ATP5PB: variants seen among roughly 807,000 people sequenced by gnomAD.
ATP5PB encodes ATP synthase peripheral stalk subunit b, mitochondrial.
In ATP5PB, 21 loss-of-function variants were observed where a neutral mutation model predicts 34.5. The observed-to-expected ratio is 0.61, with a 90% confidence interval of 0.43 to 0.88. ATP5PB has a LOEUF of 0.88. Ranked by LOEUF, ATP5PB falls within the 40% of genes least tolerant of loss-of-function variation. The pLI is 0.00. For synonymous variants in ATP5PB, 108 were observed against 114.1 expected, an observed-to-expected ratio of 0.95 and a Z score of 0.34; for missense variants, 293 against 317.4, an observed-to-expected ratio of 0.92 and a Z score of 0.58.
At chr1:111,452,319 G>A (rs1248134537) in intron 2 of ATP5PB, among the ~76,000 whole-genome samples, 2 of 152,100 alleles carry the variant, frequency 1.3e-5, no homozygotes, top group Non-Finnish European at 2.9e-5. Context: ...TGTAATTTCA[G>A]CACTTTGGGA....
In ATP5PB at chr1:111,461,190, G is replaced by C. The variant is rs573759476; in HGVS notation, c.*196G>C. ...AGATGTTTCTCATCCTTCTTGCTCT[G>C]CCTTTGAGTTGTTCCGTGATCACTT... On this transcript the variant is annotated 3_prime_UTR_variant, in exon 7 of 7. Transcript: ENST00000369722. 47 of 511,320 alleles carry C rather than the reference G, an allele frequency of 9.2e-5. No individual in the cohort carries two copies. The South Asian group carries it at 1.1e-3, about 12-fold the overall frequency. 31.7% of individuals were successfully genotyped at this position (511,320 alleles called of 1,614,324 possible). A position where few individuals can be genotyped will look rare whatever the true frequency, so the allele number is the denominator to read the frequency against.
rs1204997787 is a variant in ATP5PB at position 111,454,235 on chromosome 1, T to G, written c.102T>G (p.Phe34Leu). The change falls in exon 3 of 7, where the codon TTT becomes TTG. Residue 34 changes from phenylalanine to leucine, a missense_variant. Physicochemically the swap from Phe to Leu is conservative, Grantham distance 22. Coordinates refer to ENST00000369722, the MANE Select transcript of ATP5PB (RefSeq NM_001688.5). The stretch of plus-strand genomic sequence containing the variant: ...GGGTATTGCAGGCAACAAGGACCTT[T>G]CATACAGGGCAGCCACACCTTGTCC... The part of the protein sequence containing the change: ...GPGVLQATRT[F>L]HTGQPHLVPV... 1.2e-6 allele frequency: 2 copies of G among 1,603,578 alleles called. No individual in the cohort carries two copies. The highest frequency in any genetic ancestry group is 1.7e-6 in the Non-Finnish European group (2 of 1,176,802).
chr1:111,454,537 A>C (rs1369611825), intron 3 of ATP5PB, among the ~76,000 whole-genome samples, 181 bp downstream of exon 3: 1 of 151,438 alleles, frequency 6.6e-6, no homozygotes, highest in East Asian at 1.9e-4. Context: ...TGCAGCCTCC[A>C]CCTCCCCAGG....
chr1:111,456,051 A>G, intron 3 of ATP5PB, 35 bp from the exon 4 acceptor site: 1 of 1,516,416 alleles, frequency 6.6e-7, no homozygotes, highest in Non-Finnish European at 8.9e-7. Context: ...TAGGCATAGC[A>G]TATCCCTTCA....
chr1:111,456,690 A>T lies in ATP5PB; in HGVS notation c.448A>T (p.Ile150Phe), dbSNP rs150276317. The change falls in exon 5 of 7, where the codon ATT becomes TTT. Residue 150 changes from isoleucine (I) to phenylalanine (F), a missense_variant. Coordinates refer to ENST00000369722, the MANE Select transcript of ATP5PB (RefSeq NM_001688.5). ...QASIQHIQNA[I>F]DTEKSQQALV... ...TTCCATCCAACACATCCAGAATGCAATTGATACGGAGAAGTCACAACAGGC... is the reference window on the plus strand; with the variant it reads ...TTCCATCCAACACATCCAGAATGCATTTGATACGGAGAAGTCACAACAGGC... The T allele has an allele frequency of 2.5e-5, 40 of 1,613,652 alleles. No homozygotes were observed. The highest frequency in any genetic ancestry group is 3.3e-5 in the Non-Finnish European group (39 of 1,179,864).
chr1:111,455,525 A>G (rs1653446838), intron 3 of ATP5PB, among the ~76,000 whole-genome samples: 1 of 152,234 alleles, frequency 6.6e-6, no homozygotes, highest in South Asian at 2.1e-4. Flanking sequence ...CTTTCAGAAC[A>G]CATGGCCTGG....
intron 2 of ATP5PB, among the ~76,000 whole-genome samples, chr1:111,451,377 A>C (rs1055013746): frequency 2.0e-5 from 3 of 151,402 alleles, no homozygotes; most frequent in Non-Finnish European, 4.4e-5. Context: ...CTACCAAAAA[A>C]CTCTTCCCCA....
At chr1:111,454,152 C>T in intron 2 of ATP5PB, 59 bp from the exon 3 acceptor site, 1 of 1,439,248 alleles carries the variant, frequency 6.9e-7, no homozygotes, top group Non-Finnish European at 9.2e-7. Flanking sequence ...GCTCATTATT[C>T]ATACACTGTA....
intron 6 of ATP5PB, among the ~76,000 whole-genome samples, chr1:111,460,662 A>G (rs1653595102): frequency 6.6e-6 from 1 of 152,164 alleles, no homozygotes; most frequent in African/African-American, 2.4e-5. Context: ...CTCAAATTCT[A>G]TACAGGTTTC....
At position 111,449,594 on chromosome 1, in the gene ATP5PB, G is replaced by A; in HGVS notation, c.40+13G>A. ...GCCGCCACAGCGGGTAAGGGGTATA[G>A]ACCCTGCTCTGGACTATCAGAGTGA... On this transcript the variant is annotated intron_variant, in intron 1 of 6. Coordinates refer to ENST00000369722, the MANE Select transcript of ATP5PB (RefSeq NM_001688.5). 1 of 1,597,680 alleles carries A rather than the reference G, an allele frequency of 6.3e-7. No individual in the cohort carries two copies. The highest frequency in any genetic ancestry group is 8.5e-7 in the Non-Finnish European group (1 of 1,171,138).
chr1:111,459,314 T>C (rs773090729), intron 5 of ATP5PB, 143 bp from the exon 6 acceptor site: 15 of 759,126 alleles, frequency 2.0e-5, no homozygotes, highest in Non-Finnish European at 2.6e-5. Flanking sequence ...CTGTTATAAT[T>C]TCTAGGTACA....
intron 2 of ATP5PB, among the ~76,000 whole-genome samples, chr1:111,452,542 G>C (rs976801832): frequency 6.6e-6 from 1 of 152,192 alleles, no homozygotes; most frequent in Admixed American, 6.5e-5. Context: ...CTGTGCTCCC[G>C]CCTGGGTGAT....
chr1:111,452,509 T>C (rs1335710924), intron 2 of ATP5PB, among the ~76,000 whole-genome samples: 15 of 152,098 alleles, frequency 9.9e-5, no homozygotes, highest in Admixed American at 9.8e-4. Flanking sequence ...AGGTGGAGGT[T>C]GCAGTGAGCT....
chr1:111,458,016 A>G (rs1186439899), intron 5 of ATP5PB, among the ~76,000 whole-genome samples: 1 of 152,310 alleles, frequency 6.6e-6, no homozygotes, highest in East Asian at 1.9e-4. Flanking sequence ...TACTTGATAG[A>G]TATTTATTGA....
intron 2 of ATP5PB, among the ~76,000 whole-genome samples, chr1:111,451,059 C>T (rs887273710): frequency 6.6e-6 from 1 of 152,260 alleles, no homozygotes; most frequent in East Asian, 1.9e-4. Context: ...ATTAGTCTTG[C>T]ATCTCTATTC....
intron 2 of ATP5PB, among the ~76,000 whole-genome samples, chr1:111,452,017 G>A (rs1219102294): frequency 6.6e-6 from 1 of 152,074 alleles, no homozygotes; most frequent in African/African-American, 2.4e-5. Context: ...TATTGGGAAG[G>A]CTGAGGTGGG....
intron 5 of ATP5PB, among the ~76,000 whole-genome samples, chr1:111,457,868 C>T (rs1178533775): frequency 1.3e-5 from 2 of 152,180 alleles, no homozygotes; most frequent in African/African-American, 2.4e-5. Context: ...AGAATGCTTC[C>T]TGCTTCTTGC....
rs770948319 is a variant in ATP5PB, at chr1:111,456,648, G to A, written c.406G>A (p.Glu136Lys). The A allele has an allele frequency of 6.2e-7, 1 of 1,613,116 alleles. No individual in the cohort carries two copies. Among genetic ancestry groups the A allele is most frequent in the Non-Finnish European group, 8.5e-7 (1 of 1,179,742 alleles). ...KLNEQKLAQLEEAKQASIQHI... is the reference protein window; with the variant it reads ...KLNEQKLAQLKEAKQASIQHI... The stretch of plus-strand genomic sequence containing the variant: ...ATTGTAGCAAAAACTTGCCCAACTA[G>A]AAGAGGCGAAGCAGGCTTCCATCCA... Residue 136 changes from glutamate (E) to lysine (K), a missense_variant, in exon 5 of 7, where the codon GAA becomes AAA. Coordinates refer to ENST00000369722, the MANE Select transcript of ATP5PB (RefSeq NM_001688.5).
At chr1:111,457,887 TAC>T (rs1179205803) in intron 5 of ATP5PB, among the ~76,000 whole-genome samples, 1 of 152,240 alleles carries the variant, frequency 6.6e-6, no homozygotes, top group African/African-American at 2.4e-5. Flanking sequence ...GCATAGTATA[TAC>T]ACACACGTGA....
Sources: gnomAD v4.1 joint callset for allele counts (sites outside exome capture counted in the v4.1 genomes callset) on GRCh38, gnomAD v4.1.1 for gene constraint, MANE v1.5 for transcripts, NCBI Gene and HGNC (gene_info 2026-07-23, HGNC 2026-07-21) for gene names.